The following PEPD variants were observed in gnomAD, a reference collection of about 807,000 sequenced individuals.
PEPD encodes peptidase D.
In PEPD, 53 loss-of-function variants were observed where a neutral mutation model predicts 60.7. The observed-to-expected ratio is 0.87, with a 90% confidence interval of 0.70 to 1.10. The LOEUF is 1.10. Among genes scored for constraint, PEPD ranks in the 50% least tolerant of loss-of-function variants. The pLI is 0.00. For synonymous variants in PEPD, 267 were observed against 284.1 expected (o/e 0.94, Z 0.60); for missense variants, 711 against 711.9 (o/e 1.00, Z 0.01).
At chr19:33,476,433 C>T (rs1303759976) in intron 7 of PEPD, among the ~76,000 whole-genome samples, 2 of 152,282 alleles carry the variant, frequency 1.3e-5, no homozygotes, top group East Asian at 1.9e-4. Context: ...CACCACCTAG[C>T]TATGCGGGAC....
chr19:33,512,277 T>C (rs1309666543), intron 2 of PEPD, among the ~76,000 whole-genome samples: 3 of 152,184 alleles, frequency 2.0e-5, no homozygotes, highest in African/African-American at 7.2e-5. Flanking sequence ...TGTGTGAAAG[T>C]GGGCCCAGCT....
At chr19:33,501,272 G>A (rs1970708288) in intron 3 of PEPD, among the ~76,000 whole-genome samples, 1 of 152,170 alleles carries the variant, frequency 6.6e-6, no homozygotes, top group Non-Finnish European at 1.5e-5. Flanking sequence ...GCCAGCCCCT[G>A]CAGACAAAAC....
chr19:33,389,626 C>T (rs1000894952), intron 13 of PEPD, among the ~76,000 whole-genome samples: 1 of 152,236 alleles, frequency 6.6e-6, no homozygotes, highest in Non-Finnish European at 1.5e-5. Context: ...AGGTTTCCTT[C>T]CTTCCAGTCA....
chr19:33,416,526 TC>T (rs1422479119), intron 9 of PEPD, among the ~76,000 whole-genome samples: 2 of 151,888 alleles, frequency 1.3e-5, no homozygotes, highest in African/African-American at 2.4e-5. Context: ...CAGCCCCTGC[TC>T]CCTCCTGCTC....
chr19:33,396,056 C>A (rs543472370), intron 12 of PEPD: 2 of 152,484 alleles, frequency 1.3e-5, no homozygotes, highest in African/African-American at 4.8e-5. Context: ...CAGAGTGCCC[C>A]GAGGAGTAAG....
At chr19:33,513,459 C>G (rs1197389806) in intron 1 of PEPD, among the ~76,000 whole-genome samples, 4 of 152,138 alleles carry the variant, frequency 2.6e-5, no homozygotes, top group Non-Finnish European at 5.9e-5. Flanking sequence ...CAAAGGCCAT[C>G]CTGGCCTCCT....
intron 3 of PEPD, among the ~76,000 whole-genome samples, chr19:33,505,036 C>T (rs936363450): frequency 4.6e-5 from 7 of 152,100 alleles, no homozygotes; most frequent in Non-Finnish European, 1.5e-5. Context: ...GTGGGGGCCA[C>T]GGGTGGGAAG....
rs771953603 is a variant in PEPD, at chr19:33,401,803, G to A, written c.885C>T (p.Asn295=). The change falls in exon 12 of 15, where the codon AAC becomes AAT. Residue 295 remains asparagine, a synonymous_variant. Coordinates refer to ENST00000244137, the MANE Select transcript of PEPD (RefSeq NM_000285.4). ...ASDITCSFPA[N]GKFTADQKAV... ...CCTTCTGGTCTGCAGTGAACTTGCC[G>A]TTGGCGGGAAAGGAGCAGGTGATGT... 2.0e-5 allele frequency: 33 copies of A among 1,612,898 alleles called. No homozygotes were observed. The highest frequency in any genetic ancestry group is 8.9e-5 in the East Asian group (4 of 44,868).
rs1276667978 is a variant in PEPD at position 33,425,977 on chromosome 19, T to C, written c.672-12334A>G. ...GGTGTGCACAACCACACCTGGCTAA[T>C]TTATTTTATTTTATTTTATATTTGT... On this transcript the variant is annotated intron_variant, in intron 9 of 14. Transcript: ENST00000244137. 3.3e-5 allele frequency among the ~76,000 whole-genome samples: 5 copies of C among 151,796 alleles called. No homozygotes were observed. The East Asian group carries it at 9.6e-4, about 29-fold the overall frequency.
At chr19:33,495,910 G>A (rs2145327209) in intron 4 of PEPD, among the ~76,000 whole-genome samples, 1 of 152,292 alleles carries the variant, frequency 6.6e-6, no homozygotes, top group East Asian at 1.9e-4. Context: ...GAACCTGGGA[G>A]GCAGAGGTTT....
intron 3 of PEPD, among the ~76,000 whole-genome samples, chr19:33,509,267 T>C (rs933766219): frequency 6.6e-5 from 10 of 152,228 alleles, no homozygotes; most frequent in Non-Finnish European, 1.5e-4. Context: ...GGCCCGGGTG[T>C]GTCCACTCCG....
chr19:33,436,929 C>T (rs1175032119), intron 9 of PEPD, among the ~76,000 whole-genome samples: 1 of 152,176 alleles, frequency 6.6e-6, no homozygotes. Flanking sequence ...TGCTTAACTA[C>T]AAGAGCGTTA....
intron 9 of PEPD, among the ~76,000 whole-genome samples, chr19:33,425,721 A>G (rs1969132650): frequency 6.6e-6 from 1 of 152,266 alleles, no homozygotes; most frequent in Non-Finnish European, 1.5e-5. Context: ...AAAACGATTA[A>G]GCAGATAATA....
intron 6 of PEPD, among the ~76,000 whole-genome samples, chr19:33,479,901 A>C (rs999939620): frequency 6.6e-6 from 1 of 152,200 alleles, no homozygotes; most frequent in African/African-American, 2.4e-5. Context: ...ATGTGTTGTT[A>C]GAACAATTTA....
intron 13 of PEPD, chr19:33,388,857 AGG>A (rs1363155862): frequency 6.8e-6 from 1 of 147,800 alleles, no homozygotes; most frequent in African/African-American, 2.4e-5. Context: ...GGCACAGCTG[AGG>A]GGGCCTCAGC....
At chr19:33,414,249 C>G (rs964300004) in intron 9 of PEPD, among the ~76,000 whole-genome samples, 8 of 152,224 alleles carry the variant, frequency 5.3e-5, no homozygotes, top group African/African-American at 1.7e-4. Flanking sequence ...TTGGAACGAG[C>G]TGCCTGCTGG....
Position 33,419,971 on chromosome 19 carries a change from C to A in PEPD, c.672-6328G>T, listed in dbSNP as rs144828315. 2.6e-3 allele frequency among the ~76,000 whole-genome samples: 392 copies of A among 152,362 alleles called. 1 individual carries two copies. The highest frequency in any genetic ancestry group is 0.01 in the Middle Eastern group (3 of 294). ...CAGCAGGAGGAAGAGACACAACAGA[C>A]AGGAGCAGCTCACTCTCTCTCTGAG... is the stretch of plus-strand genomic sequence containing the variant. On this transcript the variant is annotated intron_variant, in intron 9 of 14. Transcript: ENST00000244137.
chr19:33,447,703 T>A (rs1969617829), intron 9 of PEPD, among the ~76,000 whole-genome samples: 1 of 152,186 alleles, frequency 6.6e-6, no homozygotes, highest in Non-Finnish European at 1.5e-5. Context: ...GTTTCCCTCC[T>A]GCTCAGCCAC....
chr19:33,507,987 T>G (rs969923899), intron 3 of PEPD, among the ~76,000 whole-genome samples: 9 of 152,060 alleles, frequency 5.9e-5, no homozygotes, highest in African/African-American at 2.2e-4. Flanking sequence ...CTGCCTGATC[T>G]GACCTGCCCA....
Sources: gnomAD v4.1 joint callset for allele counts (sites outside exome capture counted in the v4.1 genomes callset) on GRCh38, gnomAD v4.1.1 for gene constraint, MANE v1.5 for transcripts, NCBI Gene and HGNC (gene_info 2026-07-23, HGNC 2026-07-21) for gene names.